PCDHA11: variants seen among roughly 807,000 people sequenced by gnomAD.
The protein encoded by PCDHA11 is protocadherin alpha 11.
PCDHA11 carries 61 observed loss-of-function variants against 70.3 expected under a neutral mutation model. The ratio of observed to expected loss-of-function variants is 0.87; its 90% confidence interval spans 0.71 to 1.07. PCDHA11 has a LOEUF of 1.07. Among genes scored for constraint, PCDHA11 ranks in the 50% least tolerant of loss-of-function variants. The pLI is 0.00. For missense variants in PCDHA11, 1,324 were observed against 1,237.5 expected (o/e 1.07, Z -1.05); for synonymous variants, 633 against 555.1 (o/e 1.14, Z -1.97).
chr5:140,869,347 G>C lies in PCDHA11; in HGVS notation c.244G>C (p.Gly82Arg), dbSNP rs782437200. Residue 82 changes from glycine to arginine, a missense_variant, in exon 1 of 4, where the codon GGC becomes CGC. Gly to Arg is a moderately radical substitution (Grantham distance 125, BLOSUM62 -2). Coordinates refer to ENST00000398640, the MANE Select transcript of PCDHA11 (RefSeq NM_018902.5). Reference sequence around the variant, plus strand: ...CCTTCTGGAGGTAAATCTGCAGAATGGCATTTTGTTTGTGAATTCTCGGAT... The same window carrying C: ...CCTTCTGGAGGTAAATCTGCAGAATCGCATTTTGTTTGTGAATTCTCGGAT... ...GDLLEVNLQNGILFVNSRIDR... is the reference protein window; with the variant it reads ...GDLLEVNLQNRILFVNSRIDR... 6.2e-7 allele frequency: 1 copy of C among 1,614,082 alleles called. No individual in the cohort carries two copies. Among genetic ancestry groups the C allele is most frequent in the Non-Finnish European group, 8.5e-7 (1 of 1,180,042 alleles).
chr5:140,976,887 C>T (rs933700917), intron 1 of PCDHA11, among the ~76,000 whole-genome samples: 2 of 152,150 alleles, frequency 1.3e-5, no homozygotes, highest in Non-Finnish European at 2.9e-5. Flanking sequence ...AATTAGGATA[C>T]ATGCAACAGT....
intron 3 of PCDHA11, among the ~76,000 whole-genome samples, chr5:140,994,309 C>T (rs924119174): frequency 1.3e-5 from 2 of 152,072 alleles, no homozygotes; most frequent in African/African-American, 4.8e-5. Context: ...TTCACAGGGC[C>T]CAAACACTCT....
chr5:141,003,086 G>T (rs782184121), intron 3 of PCDHA11, among the ~76,000 whole-genome samples: 7 of 152,194 alleles, frequency 4.6e-5, no homozygotes, highest in Non-Finnish European at 1.0e-4. Flanking sequence ...GAGTTTAACA[G>T]GCCTGGCATT....
At chr5:140,939,629 A>G (rs1250529725) in intron 1 of PCDHA11, among the ~76,000 whole-genome samples, 5 of 152,248 alleles carry the variant, frequency 3.3e-5, no homozygotes, top group African/African-American at 1.2e-4. Context: ...AAGAAAATCA[A>G]TAAGGGTACT....
intron 1 of PCDHA11, among the ~76,000 whole-genome samples, chr5:140,924,027 G>T (rs1458552046): frequency 1.3e-5 from 2 of 152,194 alleles, no homozygotes; most frequent in Non-Finnish European, 2.9e-5. Context: ...TTGGAGGCAT[G>T]GCTGCAGACC....
chr5:140,880,736 T>C (rs1554171410), intron 1 of PCDHA11, among the ~76,000 whole-genome samples: 4 of 152,068 alleles, frequency 2.6e-5, no homozygotes, highest in Non-Finnish European at 5.9e-5. Context: ...ATAGAGAAAA[T>C]GGATTGTCAG....
intron 1 of PCDHA11, among the ~76,000 whole-genome samples, chr5:140,934,534 G>GT (rs1563143363): frequency 2.6e-5 from 4 of 152,064 alleles, no homozygotes; most frequent in Non-Finnish European, 4.4e-5. Flanking sequence ...GAGAGCTACC[G>GT]TTCTAATTCT....
chr5:140,952,903 C>T (rs896493880), intron 1 of PCDHA11, among the ~76,000 whole-genome samples: 4 of 152,092 alleles, frequency 2.6e-5, no homozygotes, highest in African/African-American at 7.2e-5. Flanking sequence ...GGGAATCAAG[C>T]TCATCTTACA....
rs2096720992 is a variant in PCDHA11 at position 140,976,533 on chromosome 5, A to G, written c.2392-2416A>G. 2.0e-5 allele frequency among the ~76,000 whole-genome samples: 3 copies of G among 152,170 alleles called. No homozygotes were observed. In the South Asian group the frequency reaches 6.2e-4, roughly 32 times the overall value. Reference sequence around the variant, plus strand: ...GCCACTGCACACCAGCCTAAATGACAGAGTAAGACCCTATCTCATAAATAA... The same window carrying G: ...GCCACTGCACACCAGCCTAAATGACGGAGTAAGACCCTATCTCATAAATAA... On this transcript the variant is annotated intron_variant, in intron 1 of 3. Coordinates refer to ENST00000398640, the MANE Select transcript of PCDHA11 (RefSeq NM_018902.5).
At chr5:140,970,464 G>T (rs2096408291) in intron 1 of PCDHA11, among the ~76,000 whole-genome samples, 1 of 152,154 alleles carries the variant, frequency 6.6e-6, no homozygotes, top group African/African-American at 2.4e-5. Flanking sequence ...ATTTAAGTAG[G>T]TATAAGGCCA....
intron 1 of PCDHA11, among the ~76,000 whole-genome samples, chr5:140,946,591 A>C (rs972556402): frequency 5.0e-5 from 6 of 119,488 alleles, no homozygotes; most frequent in African/African-American, 2.1e-4. Context: ...ATAGTGGATG[A>C]ATAGATAAAG....
At chr5:140,982,337 A>T in intron 2 of PCDHA11, 138 bp from the exon 3 acceptor site, 1 of 1,455,066 alleles carries the variant, frequency 6.9e-7, no homozygotes, top group Non-Finnish European at 9.1e-7. Flanking sequence ...CTCAGCAGTA[A>T]TTGCTTCAGT....
At position 140,870,820 on chromosome 5, in the gene PCDHA11, G is replaced by C. The variant is rs1554164732; in HGVS notation, c.1717G>C (p.Gly573Arg). 1.9e-6 allele frequency: 3 copies of C among 1,613,630 alleles called. No homozygotes were observed. The highest frequency in any genetic ancestry group is 1.3e-5 in the African/African-American group (1 of 74,942). Residue 573 changes from glycine (G) to arginine (R), a missense_variant, in exon 1 of 4, where the codon GGA becomes CGA. By Grantham distance (125) the Gly-to-Arg change is moderately radical. Coordinates refer to ENST00000398640, the MANE Select transcript of PCDHA11 (RefSeq NM_018902.5). ...GCTGGCGACTCAGGCTGGCAGCGCG[G>C]GAGGCGCAGTTAACAAGCTAGTACC... ...ALLATQAGSA[G>R]GAVNKLVPRS...
At chr5:140,873,718 T>C (rs1259445115) in intron 1 of PCDHA11, among the ~76,000 whole-genome samples, 1 of 152,216 alleles carries the variant, frequency 6.6e-6, no homozygotes, top group East Asian at 1.9e-4. Context: ...TGGTGTGCAG[T>C]GGCGCAATCT....
At position 140,869,336 on chromosome 5, in the gene PCDHA11, A is replaced by G. The variant is rs781863950; in HGVS notation, c.233A>G (p.Asn78Ser). ...SKTHGDLLEV[N>S]LQNGILFVNS... ...ACACATGGGGACCTTCTGGAGGTAA[A>G]TCTGCAGAATGGCATTTTGTTTGTG... Residue 78 changes from asparagine (N) to serine (S), a missense_variant, in exon 1 of 4, where the codon AAT becomes AGT. Transcript: ENST00000398640. The G allele has an allele frequency of 6.2e-7, 1 of 1,613,984 alleles. No homozygotes were observed. Among genetic ancestry groups the G allele is most frequent in the Admixed American group, 1.7e-5 (1 of 60,014 alleles).
intron 2 of PCDHA11, 37 bp from the exon 3 acceptor site, chr5:140,982,438 T>G: frequency 3.8e-5 from 61 of 1,608,838 alleles, no homozygotes; most frequent in Non-Finnish European, 4.8e-5. Context: ...AAAGAATTTA[T>G]GATCTAACCG....
chr5:140,969,331 G>A, intron 1 of PCDHA11: 1 of 1,614,042 alleles, frequency 6.2e-7, no homozygotes, highest in Non-Finnish European at 8.5e-7. Context: ...CTCAAAATGA[G>A]GTGAGACAGT....
At chr5:140,967,669 G>C in intron 1 of PCDHA11, 9 of 1,614,126 alleles carry the variant, frequency 5.6e-6, no homozygotes, top group Non-Finnish European at 7.6e-6. Flanking sequence ...GCTACACGTC[G>C]GACCGGGAGA....
Position 140,870,737 on chromosome 5 carries a change from G to A in PCDHA11, c.1634G>A (p.Ser545Asn). ...CGCGATGCGGGCGTGCCGCCTCTGA[G>A]CAGCAACGTGACGCTGCAGGTGTTC... The part of the protein sequence containing the change: ...SARDAGVPPL[S>N]SNVTLQVFVL... The change falls in exon 1 of 4, where the codon AGC becomes AAC. Residue 545 changes from serine (S) to asparagine (N), a missense_variant. Coordinates refer to ENST00000398640, the MANE Select transcript of PCDHA11 (RefSeq NM_018902.5). 1 of 1,613,478 alleles carries A rather than the reference G, an allele frequency of 6.2e-7. No homozygotes were observed. Among genetic ancestry groups the A allele is most frequent in the Non-Finnish European group, 8.5e-7 (1 of 1,179,888 alleles).
Sources: allele counts gnomAD v4.1 joint callset (sites outside exome capture counted in the v4.1 genomes callset), GRCh38; gene constraint gnomAD v4.1.1; transcripts MANE v1.5; gene names NCBI Gene and HGNC (gene_info 2026-07-23, HGNC 2026-07-21).